The following NMT2 variants were observed in gnomAD, a reference collection of about 807,000 sequenced individuals.
NMT2 encodes the protein glycylpeptide N-tetradecanoyltransferase 2.
In NMT2, 35 loss-of-function variants were observed where a neutral mutation model predicts 65.4. That is an observed-to-expected ratio of 0.54 (90% CI 0.41 to 0.71). NMT2 has a LOEUF of 0.71. Among genes scored for constraint, NMT2 ranks in the 30% least tolerant of loss-of-function variants. The probability of loss-of-function intolerance (pLI) is 0.00; values close to 1 mark genes in which losing one functional copy is unlikely to be tolerated. For missense variants in NMT2, 489 were observed against 611.3 expected, an observed-to-expected ratio of 0.80 and a Z score of 2.11; for synonymous variants, 226 against 231.8, an observed-to-expected ratio of 0.98 and a Z score of 0.23.
At chr10:15,118,319 C>T (rs141542943) in intron 9 of NMT2, among the ~76,000 whole-genome samples, 1 of 152,184 alleles carries the variant, frequency 6.6e-6, no homozygotes, top group Non-Finnish European at 1.5e-5. Flanking sequence ...AGGTGAATCA[C>T]CTGAGGTCAG....
Position 15,109,084 on chromosome 10 carries a change from A to G in NMT2, c.*111T>C. On this transcript the variant is annotated 3_prime_UTR_variant, in exon 12 of 12. Coordinates refer to ENST00000378165, the MANE Select transcript of NMT2 (RefSeq NM_004808.3). ...TTGTCATCTTTTCTGATTATCGACT[A>G]CTTCAATTTCACTTGAGTTGTGCTT... 6.5e-7 allele frequency: 1 copy of G among 1,543,248 alleles called. No homozygotes were observed. The highest frequency in any genetic ancestry group is 8.7e-7 in the Non-Finnish European group (1 of 1,154,216).
In NMT2 at chr10:15,109,177, A is replaced by C. The variant is rs1223122602; in HGVS notation, c.*18T>G. ...TAACAAATGATGATGTCAGAGTTCTAGAAATAAAAATATCCATCTATTGTA... is the reference window on the plus strand; with the variant it reads ...TAACAAATGATGATGTCAGAGTTCTCGAAATAAAAATATCCATCTATTGTA... On this transcript the variant is annotated 3_prime_UTR_variant, in exon 12 of 12. Coordinates refer to ENST00000378165, the MANE Select transcript of NMT2 (RefSeq NM_004808.3). The C allele has an allele frequency of 1.9e-6, 3 of 1,601,950 alleles. No individual in the cohort carries two copies. The South Asian group carries it at 3.4e-5, about 18-fold the overall frequency.
chr10:15,151,144 C>G (rs924040815), intron 1 of NMT2, among the ~76,000 whole-genome samples: 12 of 151,356 alleles, frequency 7.9e-5, no homozygotes, highest in Non-Finnish European at 1.2e-4. Context: ...CTGCAATCTC[C>G]GCCTCCTGGG....
chr10:15,112,578 CTT>C (rs761240089), intron 10 of NMT2, among the ~76,000 whole-genome samples: 2 of 151,960 alleles, frequency 1.3e-5, no homozygotes, highest in Middle Eastern at 6.8e-3. Context: ...TACATTTTGT[CTT>C]TTTTGTTAAA....
At chr10:15,147,815 C>A (rs1847017037) in intron 1 of NMT2, among the ~76,000 whole-genome samples, 1 of 152,108 alleles carries the variant, frequency 6.6e-6, no homozygotes, top group Non-Finnish European at 1.5e-5. Flanking sequence ...TAAATGATAA[C>A]TTCATAATGT....
intron 8 of NMT2, among the ~76,000 whole-genome samples, chr10:15,127,567 AAAATAAATAAAT>A (rs772973798): frequency 3.3e-3 from 300 of 89,756 alleles, no homozygotes; most frequent in Middle Eastern, 0.012. Context: ...AAAAAAAAAA[AAAATAAATAAAT>A]AAATAAATAA....
intron 10 of NMT2, among the ~76,000 whole-genome samples, chr10:15,111,463 A>G (rs1421655039): frequency 1.0e-4 from 15 of 146,580 alleles, no homozygotes; most frequent in Admixed American, 4.9e-4. Flanking sequence ...GTGAGCCGAG[A>G]CTGTGCCACT....
intron 9 of NMT2, among the ~76,000 whole-genome samples, chr10:15,116,225 G>A (rs1000327034): frequency 6.6e-6 from 1 of 152,128 alleles, no homozygotes; most frequent in African/African-American, 2.4e-5. Context: ...ACCATACAGT[G>A]TGTGTTCTTT....
rs535047780 is a variant in NMT2 at position 15,153,976 on chromosome 10, G to A, written c.111-12419C>T. ...TTACACACAGACGTTTTATTAGTTA[G>A]TATACAGGTTGAGCTGCGTGGGCTC... On this transcript the variant is annotated intron_variant, in intron 1 of 11. Transcript: ENST00000378165. Among the ~76,000 whole-genome samples the A allele has an allele frequency of 3.9e-5, 6 of 152,316 alleles. No homozygotes were observed. The East Asian group carries it at 1.2e-3, about 29-fold the overall frequency.
intron 7 of NMT2, 49 bp from the exon 8 acceptor site, chr10:15,128,507 A>G (rs755763446): frequency 6.9e-6 from 8 of 1,162,328 alleles, no homozygotes; most frequent in South Asian, 2.5e-5. Flanking sequence ...TAACTCTACA[A>G]GTTTTCACTC....
intron 1 of NMT2, among the ~76,000 whole-genome samples, chr10:15,144,655 C>T (rs1433372392): frequency 6.6e-6 from 1 of 152,040 alleles, no homozygotes; most frequent in Non-Finnish European, 1.5e-5. Flanking sequence ...GGCGTGAACC[C>T]GGGAAGCGGA....
intron 8 of NMT2, 58 bp downstream of exon 8, chr10:15,128,292 C>T (rs534831010): frequency 1.0e-4 from 95 of 951,694 alleles, no homozygotes; most frequent in Non-Finnish European, 1.6e-4. Context: ...TAATTCTTTT[C>T]TGCATTAAAA....
intron 8 of NMT2, among the ~76,000 whole-genome samples, chr10:15,123,058 CA>C (rs1443431716): frequency 6.6e-6 from 1 of 152,066 alleles, no homozygotes; most frequent in African/African-American, 2.4e-5. Flanking sequence ...AGAATTTAGA[CA>C]AGCAATATGT....
chr10:15,155,388 A>C, intron 1 of NMT2: 1 of 650,062 alleles, frequency 1.5e-6, no homozygotes. Flanking sequence ...TTTTTTTAAG[A>C]GATTGGGTCT....
intron 9 of NMT2, 57 bp downstream of exon 9, chr10:15,119,286 C>T (rs544525921): frequency 1.5e-5 from 23 of 1,500,252 alleles, no homozygotes; most frequent in Admixed American, 3.5e-5. Context: ...TTCTGCTGCA[C>T]GCTGAACACA....
At chr10:15,140,884 G>T in intron 2 of NMT2, 3 of 1,093,044 alleles carry the variant, frequency 2.7e-6, no homozygotes, top group South Asian at 1.4e-5. Flanking sequence ...CTTCTGGTTT[G>T]GTTTAAACTA....
intron 6 of NMT2, among the ~76,000 whole-genome samples, chr10:15,131,664 C>T (rs932110736): frequency 2.0e-5 from 3 of 152,180 alleles, no homozygotes; most frequent in Non-Finnish European, 4.4e-5. Context: ...GTACACACTT[C>T]ATTTGGCACA....
In NMT2 at chr10:15,119,425, T is replaced by C; in HGVS notation, c.1088A>G (p.His363Arg). ...ELINTYLKQF[H>R]LAPVMDEEEV... ...CTCTTCATCCATCACTGGAGCCAGATGAAACTGCTTCAGGTAAGTGTTGAT... is the reference window on the plus strand; with the variant it reads ...CTCTTCATCCATCACTGGAGCCAGACGAAACTGCTTCAGGTAAGTGTTGAT... The change falls in exon 9 of 12, where the codon CAT (histidine) becomes CGT (arginine). Residue 363 changes from histidine (H) to arginine (R), a missense_variant. His to Arg is a conservative substitution (Grantham distance 29). Transcript: ENST00000378165. 1 of 1,614,192 alleles carries C rather than the reference T, an allele frequency of 6.2e-7. No homozygotes were observed. The highest frequency in any genetic ancestry group is 8.5e-7 in the Non-Finnish European group (1 of 1,180,010).
chr10:15,134,611 G>T (rs1053649025), intron 3 of NMT2, among the ~76,000 whole-genome samples: 1 of 152,082 alleles, frequency 6.6e-6, no homozygotes, highest in African/African-American at 2.4e-5. Flanking sequence ...TTTAATAACA[G>T]ACACTCAACA....
Sources: allele counts gnomAD v4.1 joint callset (sites outside exome capture counted in the v4.1 genomes callset), GRCh38; gene constraint gnomAD v4.1.1; transcripts MANE v1.5; gene names NCBI Gene and HGNC (gene_info 2026-07-23, HGNC 2026-07-21).